Variants in LMX1B observed in about 807,000 individuals in gnomAD.
The protein encoded by LMX1B is LIM homeobox transcription factor 1-beta.
Under a neutral mutation model 51.4 loss-of-function variants are expected in LMX1B, and 12 were observed. That is an observed-to-expected ratio of 0.23 (90% CI 0.15 to 0.38). The LOEUF (loss-of-function observed/expected upper bound fraction) is 0.38, where lower values mean the gene tolerates loss of function less well. Ranked by LOEUF, LMX1B falls within the 10% of genes least tolerant of loss-of-function variation. The pLI is 1.00. For synonymous variants in LMX1B, 237 were observed against 235.4 expected (o/e 1.01, Z -0.06); for missense variants, 445 against 571.1 (o/e 0.78, Z 2.25).
chr9:126,696,659 T>G lies in LMX1B; in HGVS notation c.*208T>G, dbSNP rs2030349699. On this transcript the variant is annotated 3_prime_UTR_variant, in exon 8 of 8. Coordinates refer to ENST00000373474, the MANE Select transcript of LMX1B (RefSeq NM_001174147.2). ...CACAGCCTGGGCAGGGGCTGTGTCC[T>G]GCCCACAGAGACCTTGTCATCCCCA... The G allele has an allele frequency of 3.3e-6, 2 of 600,664 alleles. No individual in the cohort carries two copies. Among genetic ancestry groups the G allele is most frequent in the East Asian group, 5.6e-5 (2 of 35,526 alleles). The allele number at this position is 600,664 out of a possible 1,614,324, so 37.2% of individuals were successfully genotyped here. A position where few individuals can be genotyped will look rare whatever the true frequency, so the allele number is the denominator to read the frequency against.
chr9:126,641,561 G>A lies in LMX1B; in HGVS notation c.326+25992G>A, dbSNP rs959465259. ...TGAGCTGGGCTGGGCTGGGTTAGGC[G>A]ACCACCCCCACCCAGCTGGGTTCCT... On this transcript the variant is annotated intron_variant, in intron 2 of 7. Transcript: ENST00000373474. The surrounding 1 kb of genome is among the most constrained non-coding windows in gnomAD (Gnocchi z 4.1). Among the ~76,000 whole-genome samples, 5 of 152,072 alleles carry A rather than the reference G, an allele frequency of 3.3e-5. No individual in the cohort carries two copies. Among genetic ancestry groups the A allele is most frequent in the African/African-American group, 7.2e-5 (3 of 41,402 alleles).
intron 2 of LMX1B, among the ~76,000 whole-genome samples, chr9:126,690,176 C>T (rs1274208490): frequency 1.3e-5 from 2 of 152,184 alleles, no homozygotes; most frequent in African/African-American, 4.8e-5. Context: ...TGAGTGCCAG[C>T]CTCAGGAGCT....
intron 3 of LMX1B, 114 bp downstream of exon 3, chr9:126,691,182 ACAGATGGTACATGCATATC>A (rs1486162626): frequency 9.6e-6 from 7 of 727,466 alleles, no homozygotes; most frequent in Non-Finnish European, 1.6e-5. Flanking sequence ...TGAGCTGCAC[ACAGATGGTACATGCATATC>A]CAGATGCACA....
chr9:126,686,279 C>CAA (rs5900718), intron 2 of LMX1B, among the ~76,000 whole-genome samples: 16,248 of 93,588 alleles, frequency 0.17, 1,551 homozygotes, highest in East Asian at 0.44. Context: ...GACTCCATCT[C>CAA]AAAAAAAAAA....
At position 126,652,298 on chromosome 9, in the gene LMX1B, G is replaced by C. The variant is rs572977653; in HGVS notation, c.326+36729G>C. Among the ~76,000 whole-genome samples, 16 of 149,266 alleles carry C rather than the reference G, an allele frequency of 1.1e-4. 1 individual carries two copies. Among genetic ancestry groups the C allele is most frequent in the South Asian group, 4.4e-4 (2 of 4,530 alleles). Reference sequence around the variant, plus strand: ...GCAGCAGGAGTCTGAGGAGGAGAAGGGGGGGGGGATTTTCTCTTTCTTCCC... The same window carrying C: ...GCAGCAGGAGTCTGAGGAGGAGAAGCGGGGGGGGATTTTCTCTTTCTTCCC... On this transcript the variant is annotated intron_variant, in intron 2 of 7. Transcript: ENST00000373474.
At chr9:126,632,487 G>A (rs147858343) in intron 2 of LMX1B, among the ~76,000 whole-genome samples, 138 of 152,314 alleles carry the variant, frequency 9.1e-4, no homozygotes, top group Non-Finnish European at 1.6e-3. Flanking sequence ...GTGCTCGGGC[G>A]TTTGGATTTT....
intron 3 of LMX1B, among the ~76,000 whole-genome samples, chr9:126,692,905 C>T (rs1340389686): frequency 6.6e-6 from 1 of 152,152 alleles, no homozygotes; most frequent in Non-Finnish European, 1.5e-5. Flanking sequence ...GGGAGTGAGG[C>T]GTGTGTGCCG....
chr9:126,614,761 G>T (rs1467243465), intron 1 of LMX1B, among the ~76,000 whole-genome samples, 173 bp downstream of exon 1: 2 of 152,128 alleles, frequency 1.3e-5, no homozygotes, highest in Non-Finnish European at 2.9e-5. Context: ...GTACGCCTCC[G>T]GCAGGCGTCC....
chr9:126,686,356 T>A (rs560767029), intron 2 of LMX1B, among the ~76,000 whole-genome samples: 56 of 151,972 alleles, frequency 3.7e-4, no homozygotes, highest in African/African-American at 1.3e-3. Context: ...GCTTTCAGAG[T>A]TTTGTTTATT....
intron 2 of LMX1B, among the ~76,000 whole-genome samples, chr9:126,628,346 C>T (rs1004200472): frequency 6.6e-6 from 1 of 152,100 alleles, no homozygotes; most frequent in African/African-American, 2.4e-5. Flanking sequence ...TGTTGCAGGC[C>T]GAGCAGAGGA....
chr9:126,694,707 C>T (rs1001727902), intron 6 of LMX1B, among the ~76,000 whole-genome samples: 3 of 152,204 alleles, frequency 2.0e-5, no homozygotes, highest in African/African-American at 7.2e-5. Flanking sequence ...GTGTCCCAGG[C>T]TGGACTTGGC....
chr9:126,618,871 T>C lies in LMX1B; in HGVS notation c.326+3302T>C, dbSNP rs1056885202. Reference sequence around the variant, plus strand: ...ATCGCTTGTAAGACAGCTCCCAGGTTTGGCGACCCGAGACCCGCTGGGGTG... The same window carrying C: ...ATCGCTTGTAAGACAGCTCCCAGGTCTGGCGACCCGAGACCCGCTGGGGTG... On this transcript the variant is annotated intron_variant, in intron 2 of 7. Transcript: ENST00000373474. The surrounding 1 kb of genome is among the most constrained non-coding windows in gnomAD (Gnocchi z 4.5). Among the ~76,000 whole-genome samples the C allele has an allele frequency of 6.6e-6, 1 of 152,120 alleles. No homozygotes were observed. The highest frequency in any genetic ancestry group is 2.1e-4 in the South Asian group (1 of 4,820).
At position 126,699,229 on chromosome 9, in the gene LMX1B, AAG is replaced by A. The variant is rs1477200742; in HGVS notation, c.*2781_*2782del. The A allele has an allele frequency of 6.6e-6, 1 of 152,270 alleles. No homozygotes were observed. Among genetic ancestry groups the A allele is most frequent in the Non-Finnish European group, 1.5e-5 (1 of 68,092 alleles). 9.4% of individuals were successfully genotyped at this position (152,270 alleles called of 1,614,324 possible). ...TGGAAACCCTGAGGCAAGAGAGGGA[AAG>A]AGGCCTGTCCAAGGTCCGGGTTAGT... On this transcript the variant is annotated 3_prime_UTR_variant, in exon 8 of 8. Coordinates refer to ENST00000373474, the MANE Select transcript of LMX1B (RefSeq NM_001174147.2).
At position 126,690,987 on chromosome 9, in the gene LMX1B, G is replaced by A. The variant is rs2030108474; in HGVS notation, c.478G>A (p.Glu160Lys). Residue 160 changes from glutamate to lysine, a missense_variant, in exon 3 of 8, where the codon GAG becomes AAG. Physicochemically the swap from Glu to Lys is moderately conservative, Grantham distance 56. Coordinates refer to ENST00000373474, the MANE Select transcript of LMX1B (RefSeq NM_001174147.2). ...LRKGDEFVLK[E>K]GQLLCKGDYE... ...CAAGGGCGACGAATTCGTGCTCAAG[G>A]AGGGCCAGCTGCTGTGCAAGGGTGA... is the stretch of plus-strand genomic sequence containing the variant. 1 of 1,614,006 alleles carries A rather than the reference G, an allele frequency of 6.2e-7. No individual in the cohort carries two copies. Among genetic ancestry groups the A allele is most frequent in the African/African-American group, 1.3e-5 (1 of 74,948 alleles).
intron 2 of LMX1B, among the ~76,000 whole-genome samples, chr9:126,638,303 G>A (rs1327698511): frequency 6.6e-6 from 1 of 152,182 alleles, no homozygotes; most frequent in East Asian, 1.9e-4. Context: ...AGGTGTGCCC[G>A]GATGGAGTTT....
At position 126,691,035 on chromosome 9, in the gene LMX1B, C is replaced by T; in HGVS notation, c.526C>T (p.Leu176Phe). 3 of 1,613,512 alleles carry T rather than the reference C, an allele frequency of 1.9e-6. No individual in the cohort carries two copies. Among genetic ancestry groups the T allele is most frequent in the Non-Finnish European group, 2.5e-6 (3 of 1,179,722 alleles). The change falls in exon 3 of 8, where the codon CTC becomes TTC. Residue 176 changes from leucine to phenylalanine, a missense_variant. Physicochemically the swap from Leu to Phe is conservative, Grantham distance 22 (BLOSUM62 0). Coordinates refer to ENST00000373474, the MANE Select transcript of LMX1B (RefSeq NM_001174147.2). ...TGACTACGAGAAGGAGAAGGACCTGCTCAGCTCCGTGAGCCCCGACGAGTC... is the reference window on the plus strand; with the variant it reads ...TGACTACGAGAAGGAGAAGGACCTGTTCAGCTCCGTGAGCCCCGACGAGTC... ...KGDYEKEKDL[L>F]SSVSPDESDS...
Position 126,615,369 on chromosome 9 carries a change from C to T in LMX1B, c.140-14C>T, listed in dbSNP as rs772314163. ...GCGGCGCTGACGGCCGGGCTTTCGC[C>T]CTGTGCGCTACAGGCTCCGACTGCC... On this transcript the variant is annotated splice_polypyrimidine_tract_variant and intron_variant, in intron 1 of 7. Transcript: ENST00000373474. This position sits in a 1 kb window ranked among gnomAD's most constrained non-coding sequence, Gnocchi z 6.0. The T allele has an allele frequency of 3.4e-5, 54 of 1,569,084 alleles. No homozygotes were observed. Among genetic ancestry groups the T allele is most frequent in the Admixed American group, 1.8e-4 (10 of 56,206 alleles).
intron 2 of LMX1B, among the ~76,000 whole-genome samples, chr9:126,690,006 G>A (rs895539950): frequency 2.0e-5 from 3 of 152,186 alleles, no homozygotes; most frequent in South Asian, 4.1e-4. Flanking sequence ...AAGCTGAGAC[G>A]GAGGGATGGG....
At position 126,619,459 on chromosome 9, in the gene LMX1B, C is replaced by T. The variant is rs867769178; in HGVS notation, c.326+3890C>T. ...CCAGTGTGTACCCCAACCAGCGAGC[C>T]CCCCTGCCCCAACCATCAAACTCAT... On this transcript the variant is annotated intron_variant, in intron 2 of 7. Coordinates refer to ENST00000373474, the MANE Select transcript of LMX1B (RefSeq NM_001174147.2). Among the ~76,000 whole-genome samples the T allele has an allele frequency of 5.3e-5, 8 of 152,334 alleles. 1 individual carries two copies. The Middle Eastern group carries it at 0.014, about 259-fold the overall frequency.
Sources: allele counts gnomAD v4.1 joint callset (sites outside exome capture counted in the v4.1 genomes callset), GRCh38; gene constraint gnomAD v4.1.1; non-coding constraint Gnocchi (gnomAD v3.1); transcripts MANE v1.5; gene names NCBI Gene and HGNC (gene_info 2026-07-23, HGNC 2026-07-21).